The following USP47 variants were observed in gnomAD, a reference collection of about 807,000 sequenced individuals.
The protein encoded by USP47 is ubiquitin carboxyl-terminal hydrolase 47.
In USP47, 35 loss-of-function variants were observed where a neutral mutation model predicts 165.1. The observed-to-expected ratio is 0.21, with a 90% confidence interval of 0.16 to 0.28. The LOEUF (loss-of-function observed/expected upper bound fraction) is 0.28, where lower values mean the gene tolerates loss of function less well. Among genes scored for constraint, USP47 ranks in the 10% least tolerant of loss-of-function variants. The pLI is 1.00. For synonymous variants in USP47, 531 were observed against 544.5 expected (o/e 0.98, Z 0.35); for missense variants, 1,277 against 1,607.4 (o/e 0.79, Z 3.52).
At chr11:11,881,491 AC>A (rs1850825893) in intron 2 of USP47, among the ~76,000 whole-genome samples, 1 of 152,000 alleles carries the variant, frequency 6.6e-6, no homozygotes, top group Non-Finnish European at 1.5e-5. Context: ...GTTCCTTACT[AC>A]CTTTATCTCC....
rs987980693 is a variant in USP47 at position 11,920,366 on chromosome 11, T to C, written c.1090T>C (p.Tyr364His). ...GGGCCTTCGGTTTTTGCATTTTCCTTATCTGCTGACCTTACAGCTGAAAAG... is the reference window on the plus strand; with the variant it reads ...GGGCCTTCGGTTTTTGCATTTTCCTCATCTGCTGACCTTACAGCTGAAAAG... ...RKGLRFLHFP[Y>H]LLTLQLKRFD... is the part of the protein sequence containing the mutation. Residue 364 changes from tyrosine to histidine, a missense_variant, in exon 10 of 28, where the codon TAT becomes CAT. Around this residue, in one of 4 missense-constraint regions of USP47, gnomAD observed 175 missense variants for 295.8 expected, o/e 0.59. Transcript: ENST00000527733. 1.9e-6 allele frequency: 3 copies of C among 1,609,202 alleles called. No homozygotes were observed. Among genetic ancestry groups the C allele is most frequent in the Non-Finnish European group, 2.5e-6 (3 of 1,177,806 alleles).
rs1309536667 is a variant in USP47, at chr11:11,961,675, C to G, written c.*5500C>G. 6.6e-6 allele frequency among the ~76,000 whole-genome samples: 1 copy of G among 152,258 alleles called. No homozygotes were observed. The highest frequency in any genetic ancestry group is 1.5e-5 in the Non-Finnish European group (1 of 68,046). ...GCAGGAGCTCCATTCTTGTTTGCCA[C>G]TCTCCTTTTGTCAATTGGGAAAAAA... On this transcript the variant is annotated 3_prime_UTR_variant, in exon 28 of 28. Coordinates refer to ENST00000527733, the MANE Select transcript of USP47 (RefSeq NM_001282659.2).
intron 1 of USP47, among the ~76,000 whole-genome samples, chr11:11,856,273 A>C (rs949754342): frequency 2.0e-5 from 3 of 152,220 alleles, no homozygotes; most frequent in African/African-American, 7.2e-5. Flanking sequence ...TTAGTTGCTG[A>C]AACTTGTTCA....
intron 15 of USP47, 26 bp downstream of exon 15, chr11:11,933,142 A>C (rs761331874): frequency 4.1e-5 from 65 of 1,590,908 alleles, no homozygotes; most frequent in Non-Finnish European, 5.2e-5. Context: ...TTTATTTTTA[A>C]TTGAAAGTGC....
At chr11:11,880,122 C>G in intron 1 of USP47, 55 bp from the exon 2 acceptor site, 2 of 1,213,838 alleles carry the variant, frequency 1.6e-6, no homozygotes, top group Non-Finnish European at 1.1e-6. Context: ...GCTAATTATA[C>G]TTTTGTTTTG....
At chr11:11,863,888 A>G (rs1849518643) in intron 1 of USP47, among the ~76,000 whole-genome samples, 1 of 152,098 alleles carries the variant, frequency 6.6e-6, no homozygotes, top group African/African-American at 2.4e-5. Flanking sequence ...AGGTATCCCA[A>G]ATTATTGTAA....
At chr11:11,928,298 A>G (rs1265543908) in intron 11 of USP47, among the ~76,000 whole-genome samples, 4 of 152,070 alleles carry the variant, frequency 2.6e-5, no homozygotes, top group Non-Finnish European at 4.4e-5. Flanking sequence ...TTGGATTGCA[A>G]ATAAATTCTG....
At chr11:11,934,231 A>G (rs1231907665) in intron 16 of USP47, among the ~76,000 whole-genome samples, 4 of 152,130 alleles carry the variant, frequency 2.6e-5, no homozygotes, top group African/African-American at 7.2e-5. Flanking sequence ...AGTGTTTACT[A>G]TATGAAACAT....
In USP47 at chr11:11,936,292, C is replaced by T; in HGVS notation, c.1870-11C>T. 1 of 1,463,750 alleles carries T rather than the reference C, an allele frequency of 6.8e-7. No homozygotes were observed. The highest frequency in any genetic ancestry group is 9.1e-7 in the Non-Finnish European group (1 of 1,100,908). 90.7% of individuals were successfully genotyped at this position (1,463,750 alleles called of 1,614,324 possible). A position where few individuals can be genotyped will look rare whatever the true frequency, so the allele number is the denominator to read the frequency against. ...TATATTTTTTCTTTCTGGGGGATTA[C>T]TTTCTTTTAGATGATGGATTTAGAA... On this transcript the variant is annotated splice_polypyrimidine_tract_variant and intron_variant, in intron 16 of 27. Coordinates refer to ENST00000527733, the MANE Select transcript of USP47 (RefSeq NM_001282659.2).
chr11:11,877,767 TTCTC>T lies in USP47; in HGVS notation c.40-2392_40-2389del, dbSNP rs796503437. ...ATTATGTAGCATGCATGCATAGCCT[TTCTC>T]TCTCTCTCTCTCTCTCTTTCTCTCT... On this transcript the variant is annotated intron_variant, in intron 1 of 27. Coordinates refer to ENST00000527733, the MANE Select transcript of USP47 (RefSeq NM_001282659.2). Among the ~76,000 whole-genome samples the T allele has an allele frequency of 4.8e-3, 652 of 135,256 alleles. 5 individuals are homozygous for T. The highest frequency in any genetic ancestry group is 0.013 in the African/African-American group (485 of 36,144). The allele number at this position is 135,256 out of a possible 152,430, so 88.7% of individuals were successfully genotyped here.
Position 11,930,167 on chromosome 11 carries a change from T to C in USP47, c.1595+47T>C, listed in dbSNP as rs750743427. 21 of 1,509,722 alleles carry C rather than the reference T, an allele frequency of 1.4e-5. No homozygotes were observed. In the South Asian group the frequency reaches 1.5e-4, roughly 11 times the overall value. 93.5% of individuals were successfully genotyped at this position (1,509,722 alleles called of 1,614,324 possible). A position where few individuals can be genotyped will look rare whatever the true frequency, so the allele number is the denominator to read the frequency against. On this transcript the variant is annotated intron_variant, in intron 13 of 27. Transcript: ENST00000527733. ...AGTGTTTAAAAGTTAGAATTAATTA[T>C]AGCTTCTCAGTGTTTTTTTATCATC...
chr11:11,877,801 CTCTCTGTGTGTGTGTG>C (rs1412333293), intron 1 of USP47, among the ~76,000 whole-genome samples: 97 of 50,474 alleles, frequency 1.9e-3, no homozygotes, highest in African/African-American at 6.4e-3. Context: ...CTCTCTCTCT[CTCTCTGTGTGTGTGTG>C]TGTGTGTGTG....
At chr11:11,914,873 A>C (rs1008575336) in intron 8 of USP47, among the ~76,000 whole-genome samples, 36 of 152,182 alleles carry the variant, frequency 2.4e-4, no homozygotes, top group Admixed American at 1.0e-3. Context: ...CTATGTGGAG[A>C]AACTGTATCA....
At chr11:11,853,672 T>G (rs937328940) in intron 1 of USP47, among the ~76,000 whole-genome samples, 2 of 152,232 alleles carry the variant, frequency 1.3e-5, no homozygotes, top group Non-Finnish European at 2.9e-5. Flanking sequence ...TTAATGAAAC[T>G]AAACTGAAAC....
chr11:11,955,819 T>C (rs1380808168), intron 27 of USP47, among the ~76,000 whole-genome samples, 182 bp from the exon 28 acceptor site: 3 of 152,220 alleles, frequency 2.0e-5, no homozygotes, highest in African/African-American at 7.2e-5. Context: ...CTTTTAGAAG[T>C]AAGCAATATG....
chr11:11,880,062 A>G (rs1850730419), intron 1 of USP47, 115 bp from the exon 2 acceptor site: 7 of 696,040 alleles, frequency 1.0e-5, no homozygotes, highest in Non-Finnish European at 1.5e-5. Flanking sequence ...GCACAGAGAA[A>G]ATACTTAGTA....
At chr11:11,946,874 T>C (rs1306297729) in intron 20 of USP47, among the ~76,000 whole-genome samples, 1 of 152,244 alleles carries the variant, frequency 6.6e-6, no homozygotes, top group Non-Finnish European at 1.5e-5. Flanking sequence ...GCCTATATTT[T>C]ATAGCCAGGA....
At chr11:11,943,617 A>G (rs901595604) in intron 20 of USP47, 2 of 152,172 alleles carry the variant, frequency 1.3e-5, no homozygotes, top group African/African-American at 4.8e-5. Context: ...AGTAACTCCA[A>G]AGCAAGGAGT....
chr11:11,894,088 T>G (rs781392466), intron 4 of USP47, among the ~76,000 whole-genome samples: 5 of 152,182 alleles, frequency 3.3e-5, no homozygotes, highest in Non-Finnish European at 7.3e-5. Flanking sequence ...TTAAACTGTT[T>G]CCCATTACAC....
Sources: allele counts gnomAD v4.1 joint callset (sites outside exome capture counted in the v4.1 genomes callset), GRCh38; gene constraint gnomAD v4.1.1; regional missense constraint gnomAD v4.1.1; transcripts MANE v1.5; gene names NCBI Gene and HGNC (gene_info 2026-07-23, HGNC 2026-07-21).